The following DNAH3 variants were observed in gnomAD, a reference collection of about 807,000 sequenced individuals.
The protein encoded by DNAH3 is dynein axonemal heavy chain 3.
A neutral mutation model predicts 432.5 loss-of-function variants in DNAH3; 332 were observed. The observed-to-expected ratio is 0.77, with a 90% confidence interval of 0.70 to 0.84. DNAH3 has a LOEUF of 0.84. Ranked by LOEUF, DNAH3 falls within the 40% of genes least tolerant of loss-of-function variation. The pLI, the probability that DNAH3 is intolerant of heterozygous loss-of-function variation, is 0.00. For missense variants in DNAH3, 4,861 were observed against 5,114.0 expected, an observed-to-expected ratio of 0.95 and a Z score of 1.51; for synonymous variants, 1,956 against 1,900.2, an observed-to-expected ratio of 1.03 and a Z score of -0.76.
In DNAH3 at chr16:21,153,025, G is replaced by A. The variant is rs540246684; in HGVS notation, c.117+6300C>T. The stretch of plus-strand genomic sequence containing the variant: ...GGCAGGCAGCTCCACCTGCAGCCCC[G>A]GTGCAGGAGCCACTGGGTGAAGCCA... On this transcript the variant is annotated intron_variant, in intron 1 of 61. Coordinates refer to ENST00000261383, the Ensembl canonical transcript of DNAH3. Among the ~76,000 whole-genome samples, 101 of 152,322 alleles carry A rather than the reference G, an allele frequency of 6.6e-4. 2 individuals are homozygous for A. The highest frequency in any genetic ancestry group is 1.3e-3 in the Non-Finnish European group (86 of 68,022).
At chr16:21,033,315 A>AAAAAC (rs1567671613) in intron 36 of DNAH3, among the ~76,000 whole-genome samples, 1 of 152,246 alleles carries the variant, frequency 6.6e-6, no homozygotes, top group Non-Finnish European at 1.5e-5. Flanking sequence ...TGTGTTTTAT[A>AAAAAC]AAAACAAAAC....
chr16:20,964,319 C>T (rs749609503), exon 53 of DNAH3: 6 of 1,614,032 alleles, frequency 3.7e-6, no homozygotes, highest in Middle Eastern at 1.6e-4. Context: ...AGGAGACAGA[C>T]CTTCACGGCA....
chr16:20,955,143 C>G, intron 54 of DNAH3, 86 bp from the exon 55 acceptor site: 1 of 1,356,166 alleles, frequency 7.4e-7, no homozygotes, highest in Non-Finnish European at 1.0e-6. Flanking sequence ...ATAACAATAA[C>G]AAAACAGACC....
At chr16:21,128,190 C>T (rs1487625630) in intron 7 of DNAH3, among the ~76,000 whole-genome samples, 3 of 152,004 alleles carry the variant, frequency 2.0e-5, no homozygotes, top group African/African-American at 7.3e-5. Context: ...GAGGCCAGGA[C>T]CAAGCAGAAC....
chr16:21,034,264 T>C (rs1329504346), intron 35 of DNAH3, among the ~76,000 whole-genome samples, 179 bp from the exon 36 acceptor site: 1 of 152,158 alleles, frequency 6.6e-6, no homozygotes, highest in Non-Finnish European at 1.5e-5. Context: ...GACGAAAAAA[T>C]ATATGTGTGT....
At chr16:21,116,369 T>TGACAGTGAGTTCTCAC (rs1287828580) in intron 12 of DNAH3, among the ~76,000 whole-genome samples, 27 of 152,088 alleles carry the variant, frequency 1.8e-4, no homozygotes, top group Non-Finnish European at 3.1e-4. Flanking sequence ...GCTGTTCTCG[T>TGACAGTGAGTTCTCAC]GACAGTGAGT....
intron 49 of DNAH3, among the ~76,000 whole-genome samples, chr16:20,980,303 TTATATTA>T (rs2085829414): frequency 7.0e-6 from 1 of 142,474 alleles, no homozygotes; most frequent in Non-Finnish European, 1.5e-5. Flanking sequence ...ACATCATATA[TTATATTA>T]TATATTATAA....
exon 55 of DNAH3, chr16:20,954,956 A>G (rs186905626): frequency 3.2e-5 from 51 of 1,614,220 alleles, no homozygotes; most frequent in South Asian, 2.7e-4. Context: ...GGAGCGCAAC[A>G]GGTTGGCCCG....
chr16:20,977,739 C>T (rs3115440), intron 50 of DNAH3, among the ~76,000 whole-genome samples: 26,828 of 152,174 alleles, frequency 0.18, 2,724 homozygotes, highest in African/African-American at 0.27. Context: ...GAGATGGTAA[C>T]GATACTTTCT....
chr16:21,142,654 CT>C (rs11336320), intron 3 of DNAH3, among the ~76,000 whole-genome samples: 56,426 of 135,950 alleles, frequency 0.42, 9,741 homozygotes, highest in East Asian at 0.62. Flanking sequence ...TACAAAAATC[CT>C]TTTTTTTTTT....
chr16:20,946,160 G>A (rs1325778637), intron 57 of DNAH3, among the ~76,000 whole-genome samples: 1 of 152,102 alleles, frequency 6.6e-6, no homozygotes, highest in African/African-American at 2.4e-5. Flanking sequence ...CAGACCTTAA[G>A]TCTGATAAGA....
chr16:21,078,558 C>T (rs2091062589), intron 20 of DNAH3, among the ~76,000 whole-genome samples: 1 of 152,164 alleles, frequency 6.6e-6, no homozygotes, highest in Admixed American at 6.5e-5. Flanking sequence ...TCACAAGGCC[C>T]AGCCTCCAGT....
intron 7 of DNAH3, among the ~76,000 whole-genome samples, chr16:21,133,694 C>G (rs1275156004): frequency 6.7e-6 from 1 of 148,734 alleles, no homozygotes; most frequent in African/African-American, 2.5e-5. Flanking sequence ...GAGCCAAGAT[C>G]GCGCCATTGC....
At chr16:20,982,847 C>T (rs541798583) in exon 49 of DNAH3, 71 of 1,614,126 alleles carry the variant, frequency 4.4e-5, no homozygotes, top group South Asian at 2.1e-4. Flanking sequence ...AGGGAACATC[C>T]GCAGGCGGTT....
chr16:21,044,987 C>T (rs994976235), intron 31 of DNAH3, among the ~76,000 whole-genome samples: 3 of 151,818 alleles, frequency 2.0e-5, no homozygotes, highest in East Asian at 1.9e-4. Flanking sequence ...TATTGATTTG[C>T]GGATATTGAA....
At chr16:21,124,290 G>T (rs1172865854) in intron 9 of DNAH3, among the ~76,000 whole-genome samples, 1 of 152,064 alleles carries the variant, frequency 6.6e-6, no homozygotes, top group African/African-American at 2.4e-5. Context: ...ACCCCTTCTT[G>T]TAAAAGAGAG....
chr16:21,159,024 ACACTAC>A (rs945816639), intron 1 of DNAH3, among the ~76,000 whole-genome samples: 24 of 150,320 alleles, frequency 1.6e-4, no homozygotes, highest in African/African-American at 5.6e-4. Context: ...ATACACACAC[ACACTAC>A]CACTAGATTA....
At chr16:21,141,784 C>T (rs1438273813) in intron 3 of DNAH3, among the ~76,000 whole-genome samples, 3 of 152,234 alleles carry the variant, frequency 2.0e-5, no homozygotes, top group Admixed American at 6.5e-5. Flanking sequence ...GGCACGGTGG[C>T]TCATGCCTGT....
At chr16:20,954,261 A>G (rs1041706894) in intron 55 of DNAH3, among the ~76,000 whole-genome samples, 1 of 145,764 alleles carries the variant, frequency 6.9e-6, no homozygotes, top group Admixed American at 7.0e-5. Context: ...AATATATAAC[A>G]TTTTGCTTAT....
Sources: allele counts gnomAD v4.1 joint callset (sites outside exome capture counted in the v4.1 genomes callset), GRCh38; gene constraint gnomAD v4.1.1; transcripts MANE v1.5; gene names NCBI Gene and HGNC (gene_info 2026-07-23, HGNC 2026-07-21).